Variants in MFSD2B observed in about 807,000 individuals in gnomAD.
MFSD2B encodes MFSD2 lysolipid transporter B, sphingolipid.
Under a neutral mutation model 58.4 loss-of-function variants are expected in MFSD2B, and 56 were observed. That is an observed-to-expected ratio of 0.96 (90% CI 0.77 to 1.20). The LOEUF (loss-of-function observed/expected upper bound fraction) is 1.20, where lower values mean the gene tolerates loss of function less well. MFSD2B is among the 50% of genes most tolerant of loss of function. The probability of loss-of-function intolerance (pLI) is 0.00; values close to 1 mark genes in which losing one functional copy is unlikely to be tolerated. For missense variants in MFSD2B, 645 were observed against 667.6 expected (o/e 0.97, Z 0.37); for synonymous variants, 287 against 294.4 (o/e 0.97, Z 0.26).
chr2:24,016,799 CCT>C (rs764969621), intron 3 of MFSD2B, 44 bp from the exon 4 acceptor site: 44 of 1,605,536 alleles, frequency 2.7e-5, no homozygotes, highest in Admixed American at 5.0e-5. Flanking sequence ...TTTGTGTTCC[CCT>C]GTCTGGGTCG....
At chr2:24,016,819 G>A (rs764528768) in intron 3 of MFSD2B, 26 bp from the exon 4 acceptor site, 7 of 1,610,602 alleles carry the variant, frequency 4.3e-6, no homozygotes, top group East Asian at 2.2e-5. Flanking sequence ...TCGGGGGGCC[G>A]CTCCACCTCG....
chr2:24,022,343 G>A lies in MFSD2B; in HGVS notation c.895-90G>A, dbSNP rs1203676029. 8 of 1,019,108 alleles carry A rather than the reference G, an allele frequency of 7.8e-6. No homozygotes were observed. Among genetic ancestry groups the A allele is most frequent in the Non-Finnish European group, 1.2e-5 (8 of 663,144 alleles). The allele number at this position is 1,019,108 out of a possible 1,614,324, so 63.1% of individuals were successfully genotyped here. ...GTAGCAGCAAGCCAAGGTCCCAATG[G>A]AGATGCCAGACTCCAGACCCTGTCC... On this transcript the variant is annotated intron_variant, in intron 8 of 13. Transcript: ENST00000338315. This position sits in a 1 kb window ranked among gnomAD's most constrained non-coding sequence, Gnocchi z 4.5.
At chr2:24,014,460 ATTC>A (rs1264543695) in intron 2 of MFSD2B, among the ~76,000 whole-genome samples, 2 of 152,132 alleles carry the variant, frequency 1.3e-5, no homozygotes, top group East Asian at 1.9e-4. Flanking sequence ...GGCCAAGACA[ATTC>A]TTCTTCTTCC....
Position 24,022,812 on chromosome 2 carries a change from C to T in MFSD2B, c.979-10C>T. 1 of 1,563,952 alleles carries T rather than the reference C, an allele frequency of 6.4e-7. No individual in the cohort carries two copies. Among genetic ancestry groups the T allele is most frequent in the Non-Finnish European group, 8.6e-7 (1 of 1,158,140 alleles). On this transcript the variant is annotated splice_polypyrimidine_tract_variant and intron_variant, in intron 9 of 13. Coordinates refer to ENST00000338315, the MANE Select transcript of MFSD2B (RefSeq NM_001346880.2). This position sits in a 1 kb window ranked among gnomAD's most constrained non-coding sequence, Gnocchi z 4.5. ...CACGGCCCTGGCGTGACGATGCTGT[C>T]TGCTCACAGGTCTCAGCCGTGCTGA...
Position 24,012,160 on chromosome 2 carries a change from ACACACACACACACAC to A in MFSD2B, c.97-1124_97-1110del, listed in dbSNP as rs1282056003. 1.6e-4 allele frequency among the ~76,000 whole-genome samples: 11 copies of A among 68,484 alleles called. No individual in the cohort carries two copies. In the South Asian group the frequency reaches 3.2e-3, roughly 20 times the overall value. 44.9% of individuals were successfully genotyped at this position (68,484 alleles called of 152,430 possible). The stretch of plus-strand genomic sequence containing the variant: ...ACAAACAAACAAACAAAACACACAC[ACACACACACACACAC>A]ACACAAAAACAGACAAAAAAACCCT... On this transcript the variant is annotated intron_variant, in intron 1 of 13. Coordinates refer to ENST00000338315, the MANE Select transcript of MFSD2B (RefSeq NM_001346880.2). The surrounding 1 kb of genome is among the most constrained non-coding windows in gnomAD (Gnocchi z 4.5).
In MFSD2B at chr2:24,016,210, GC is replaced by G; in HGVS notation, c.278del (p.Ala93ValfsTer78). On this transcript the variant is annotated frameshift_variant, in exon 3 of 14. Transcript: ENST00000338315. LOFTEE classifies it high-confidence loss of function. ...GTTTGGGGGAAAAGTGTCTGGGGCG[GC>G]TGCTGACCCTGTGGCTGGGTTCTTC... ...VLFGGKVSGA[A>X]ADPVAGFFIN... 6.2e-7 allele frequency: 1 copy of G among 1,613,994 alleles called. No homozygotes were observed. The highest frequency in any genetic ancestry group is 8.5e-7 in the Non-Finnish European group (1 of 1,179,894).
rs1662841048 is a variant in MFSD2B at position 24,022,730 on chromosome 2, G to A, written c.979-92G>A. On this transcript the variant is annotated intron_variant, in intron 9 of 13. Coordinates refer to ENST00000338315, the MANE Select transcript of MFSD2B (RefSeq NM_001346880.2). The surrounding 1 kb of genome is among the most constrained non-coding windows in gnomAD (Gnocchi z 4.5). ...GGTTTGAACCAGGGGCAAGGCCAAG[G>A]TCAGGCATCCAATCTAAAAGCCAAG... 5.9e-6 allele frequency: 6 copies of A among 1,023,062 alleles called. No individual in the cohort carries two copies. The highest frequency in any genetic ancestry group is 7.0e-6 in the Non-Finnish European group (5 of 710,624). The allele number at this position is 1,023,062 out of a possible 1,614,324, so 63.4% of individuals were successfully genotyped here. A position where few individuals can be genotyped will look rare whatever the true frequency, so the allele number is the denominator to read the frequency against.
Position 24,021,782 on chromosome 2 carries a change from CTCTGCTTGGGGGCAGGT to C in MFSD2B, c.772+46_773-49del. ...AGGGAAGCAGAAGCTGGGGGCAGGG[CTCTGCTTGGGGGCAGGT>C]TTTGCTTTTGAACTCTGCGAAGCCA... On this transcript the variant is annotated intron_variant, in intron 7 of 13. Transcript: ENST00000338315. This position sits in a 1 kb window ranked among gnomAD's most constrained non-coding sequence, Gnocchi z 5.7. The C allele has an allele frequency of 6.2e-7, 1 of 1,612,496 alleles. No homozygotes were observed. The highest frequency in any genetic ancestry group is 8.5e-7 in the Non-Finnish European group (1 of 1,179,064).
chr2:24,025,829 T>G lies in MFSD2B; in HGVS notation c.*373T>G. The G allele has an allele frequency of 5.1e-6, 1 of 197,198 alleles. No individual in the cohort carries two copies. The highest frequency in any genetic ancestry group is 1.0e-5 in the Non-Finnish European group (1 of 96,332). 12.2% of individuals were successfully genotyped at this position (197,198 alleles called of 1,614,324 possible). A position where few individuals can be genotyped will look rare whatever the true frequency, so the allele number is the denominator to read the frequency against. Reference sequence around the variant, plus strand: ...AAATCCGCCTCCCGGGTTCACGCCATTCTCCTGCCTCAGCCTCCCGAGTAG... The same window carrying G: ...AAATCCGCCTCCCGGGTTCACGCCAGTCTCCTGCCTCAGCCTCCCGAGTAG... On this transcript the variant is annotated 3_prime_UTR_variant, in exon 14 of 14. Transcript: ENST00000338315.
chr2:24,016,785 G>A lies in MFSD2B; in HGVS notation c.348-60G>A, dbSNP rs138372351. On this transcript the variant is annotated intron_variant, in intron 3 of 13. Coordinates refer to ENST00000338315, the MANE Select transcript of MFSD2B (RefSeq NM_001346880.2). ...AAGGGGTGGGGTTCCTCCAGGCTGG[G>A]CCCTTTGTGTTCCCCTGTCTGGGTC... is the stretch of plus-strand genomic sequence containing the variant. 1.7e-5 allele frequency: 27 copies of A among 1,596,416 alleles called. No individual in the cohort carries two copies. In the East Asian group the frequency reaches 5.8e-4, roughly 34 times the overall value.
At position 24,024,515 on chromosome 2, in the gene MFSD2B, A is replaced by G. The variant is rs977455497; in HGVS notation, c.1490+244A>G. Reference sequence around the variant, plus strand: ...GTGAGGGCTCACTCCTTGATCTCCTATTGCTTTTGCTCTCCAAAGCCCCCT... The same window carrying G: ...GTGAGGGCTCACTCCTTGATCTCCTGTTGCTTTTGCTCTCCAAAGCCCCCT... On this transcript the variant is annotated intron_variant, in intron 13 of 13. Transcript: ENST00000338315. This position sits in a 1 kb window ranked among gnomAD's most constrained non-coding sequence, Gnocchi z 4.3. 6.6e-6 allele frequency among the ~76,000 whole-genome samples: 1 copy of G among 151,742 alleles called. No individual in the cohort carries two copies. The highest frequency in any genetic ancestry group is 1.5e-5 in the Non-Finnish European group (1 of 67,948).
rs544651269 is a variant in MFSD2B at position 24,017,712 on chromosome 2, CCT to C, written c.681+126_681+127del. On this transcript the variant is annotated intron_variant, in intron 6 of 13. Coordinates refer to ENST00000338315, the MANE Select transcript of MFSD2B (RefSeq NM_001346880.2). The surrounding 1 kb of genome is among the most constrained non-coding windows in gnomAD (Gnocchi z 4.8). ...GTCTTTTAGGGGGCTCACTGTGCCC[CCT>C]CATTCCTTCCCTGCTCCTCCAGTTG... 94 of 1,049,370 alleles carry C rather than the reference CCT, an allele frequency of 9.0e-5. No homozygotes were observed. In the African/African-American group the frequency reaches 1.4e-3, roughly 16 times the overall value. The allele number at this position is 1,049,370 out of a possible 1,614,324, so 65.0% of individuals were successfully genotyped here.
At chr2:24,011,595 C>T (rs1252727263) in intron 1 of MFSD2B, among the ~76,000 whole-genome samples, 3 of 152,156 alleles carry the variant, frequency 2.0e-5, no homozygotes, top group African/African-American at 7.2e-5. Flanking sequence ...CCTCCAGCCC[C>T]CAGCAAACGA....
rs922925400 is a variant in MFSD2B at position 24,025,769 on chromosome 2, C to T, written c.*313C>T. The T allele has an allele frequency of 7.4e-5, 24 of 324,070 alleles. No homozygotes were observed. The highest frequency in any genetic ancestry group is 1.3e-4 in the Non-Finnish European group (23 of 177,674). The allele number at this position is 324,070 out of a possible 1,614,324, so 20.1% of individuals were successfully genotyped here. ...GACCAGTAATATCTGTGGCCTACCA[C>T]CCATTCAAGAAAACGTTACAGCCGG... On this transcript the variant is annotated 3_prime_UTR_variant, in exon 14 of 14. Transcript: ENST00000338315.
chr2:24,024,391 C>A lies in MFSD2B; in HGVS notation c.1490+120C>A. 9.4e-7 allele frequency: 1 copy of A among 1,065,796 alleles called. No individual in the cohort carries two copies. Among genetic ancestry groups the A allele is most frequent in the Non-Finnish European group, 1.3e-6 (1 of 750,500 alleles). The allele number at this position is 1,065,796 out of a possible 1,614,324, so 66.0% of individuals were successfully genotyped here. On this transcript the variant is annotated intron_variant, in intron 13 of 13. Coordinates refer to ENST00000338315, the MANE Select transcript of MFSD2B (RefSeq NM_001346880.2). The surrounding 1 kb of genome is among the most constrained non-coding windows in gnomAD (Gnocchi z 4.3). The stretch of plus-strand genomic sequence containing the variant: ...ACAGTCCTGCCTCTGGGACCTCTTT[C>A]CTTAGCTCAGGGTCACCCTTTTCTC...
In MFSD2B at chr2:24,024,053, C is replaced by T; in HGVS notation, c.1314-42C>T. The T allele has an allele frequency of 6.2e-7, 1 of 1,601,428 alleles. No individual in the cohort carries two copies. Among genetic ancestry groups the T allele is most frequent in the Non-Finnish European group, 8.5e-7 (1 of 1,172,028 alleles). Reference sequence around the variant, plus strand: ...GAGTCCCTCCACCCAGGGTGCCAGGCTCAGCAGGCCCTGCCCTAATGGCTG... The same window carrying T: ...GAGTCCCTCCACCCAGGGTGCCAGGTTCAGCAGGCCCTGCCCTAATGGCTG... On this transcript the variant is annotated intron_variant, in intron 12 of 13. Coordinates refer to ENST00000338315, the MANE Select transcript of MFSD2B (RefSeq NM_001346880.2). This position sits in a 1 kb window ranked among gnomAD's most constrained non-coding sequence, Gnocchi z 4.3.
rs1186245840 is a variant in MFSD2B, at chr2:24,024,826, A to G, written c.1490+555A>G. ...TAGGAGTCTTCTGCTCTTCCCTCCC[A>G]CGGGCAATACTGAGCAGGTCTCTGA... On this transcript the variant is annotated intron_variant, in intron 13 of 13. Transcript: ENST00000338315. This position sits in a 1 kb window ranked among gnomAD's most constrained non-coding sequence, Gnocchi z 4.3. 6.6e-6 allele frequency among the ~76,000 whole-genome samples: 1 copy of G among 151,508 alleles called. No homozygotes were observed. Among genetic ancestry groups the G allele is most frequent in the East Asian group, 1.9e-4 (1 of 5,154 alleles).
rs1662874958 is a variant in MFSD2B, at chr2:24,023,530, A to G, written c.1170-53A>G. 1 of 1,570,554 alleles carries G rather than the reference A, an allele frequency of 6.4e-7. No individual in the cohort carries two copies. Among genetic ancestry groups the G allele is most frequent in the Non-Finnish European group, 8.6e-7 (1 of 1,157,488 alleles). ...TGGCCTCCGTCCCCAGAGAATTCAC[A>G]GGCTGCTGGTGGCCAAGGGGCTAGG... is the stretch of plus-strand genomic sequence containing the variant. On this transcript the variant is annotated intron_variant, in intron 11 of 13. Coordinates refer to ENST00000338315, the MANE Select transcript of MFSD2B (RefSeq NM_001346880.2). The surrounding 1 kb of genome is among the most constrained non-coding windows in gnomAD (Gnocchi z 5.0).
intron 13 of MFSD2B, 64 bp from the exon 14 acceptor site, chr2:24,025,368 T>C: frequency 6.8e-7 from 1 of 1,476,598 alleles, no homozygotes. Flanking sequence ...CGCGGGCTTC[T>C]GCGGCAGGAC....
Sources: gnomAD v4.1 joint callset for allele counts (sites outside exome capture counted in the v4.1 genomes callset) on GRCh38, gnomAD v4.1.1 for gene constraint, Gnocchi (gnomAD v3.1) non-coding constraint, MANE v1.5 for transcripts, NCBI Gene and HGNC (gene_info 2026-07-23, HGNC 2026-07-21) for gene names.